Variants in ABCA9 observed in about 807,000 individuals in gnomAD.
ABCA9 encodes ATP-binding cassette sub-family A member 9.
A neutral mutation model predicts 205.3 loss-of-function variants in ABCA9; 183 were observed. The observed-to-expected ratio is 0.89, with a 90% CI of 0.79 to 1.01. The LOEUF (loss-of-function observed/expected upper bound fraction) is 1.01. ABCA9 is among the 50% of genes least tolerant of loss of function. The pLI, the probability that ABCA9 is intolerant of heterozygous loss-of-function variation, is 0.00. For synonymous variants in ABCA9, 651 were observed against 683.3 expected (o/e 0.95, Z 0.74); for missense variants, 1,805 against 1,912.4 (o/e 0.94, Z 1.05).
At chr17:69,031,772 G>A (rs1179389133) in intron 10 of ABCA9, among the ~76,000 whole-genome samples, 3 of 152,266 alleles carry the variant, frequency 2.0e-5, no homozygotes, top group East Asian at 1.9e-4. Flanking sequence ...TAATAGCAAG[G>A]GAGACGATGG....
In ABCA9 at chr17:68,995,963, C is replaced by T; in HGVS notation, c.3487G>A (p.Gly1163Arg). The part of the protein sequence containing the change: ...ATDLNEYGFL[G>R]LFFGTMLIPP... Reference sequence around the variant, plus strand: ...ATTAACATGGTGCCAAAAAATAGCCCTAGAAATCCATATTCATTTAGATCA... The same window carrying T: ...ATTAACATGGTGCCAAAAAATAGCCTTAGAAATCCATATTCATTTAGATCA... The change falls in exon 26 of 39, where the codon GGG becomes AGG. Residue 1163 changes from glycine (G) to arginine (R), a missense_variant. Gly to Arg is a moderately radical substitution (Grantham distance 125). Coordinates refer to ENST00000340001, the MANE Select transcript of ABCA9 (RefSeq NM_080283.4). The T allele has an allele frequency of 6.2e-7, 1 of 1,613,672 alleles. No homozygotes were observed. Among genetic ancestry groups the T allele is most frequent in the South Asian group, 1.1e-5 (1 of 91,076 alleles).
chr17:69,052,125 C>T (rs976420461), intron 1 of ABCA9, among the ~76,000 whole-genome samples: 2 of 152,154 alleles, frequency 1.3e-5, no homozygotes, highest in Non-Finnish European at 2.9e-5. Context: ...AATCCCAGCA[C>T]TTTGGGAGGC....
At chr17:68,980,363 G>A (rs1237050857) in intron 37 of ABCA9, among the ~76,000 whole-genome samples, 4 of 152,116 alleles carry the variant, frequency 2.6e-5, no homozygotes, top group Non-Finnish European at 5.9e-5. Flanking sequence ...CAACCATTGT[G>A]AGAGTCAGTG....
chr17:69,013,029 G>C (rs982146950), intron 22 of ABCA9, among the ~76,000 whole-genome samples: 1 of 152,214 alleles, frequency 6.6e-6, no homozygotes, highest in African/African-American at 2.4e-5. Context: ...TTCCATCTAC[G>C]TTGTTGCAAA....
intron 25 of ABCA9, among the ~76,000 whole-genome samples, chr17:69,005,389 AG>A (rs930022487): frequency 6.6e-6 from 1 of 152,212 alleles, no homozygotes; most frequent in African/African-American, 2.4e-5. Flanking sequence ...AGTCCAATTC[AG>A]TCCAGAGCCC....
At chr17:68,992,988 A>G (rs780065786) in intron 27 of ABCA9, 28 bp downstream of exon 27, 2 of 1,567,944 alleles carry the variant, frequency 1.3e-6, no homozygotes, top group African/African-American at 1.4e-5. Context: ...CCCTCATGCA[A>G]GAATGTTGAA....
At position 69,016,700 on chromosome 17, in the gene ABCA9, C is replaced by T. The variant is rs140522356; in HGVS notation, c.2902-310G>A. On this transcript the variant is annotated intron_variant, in intron 21 of 38. Coordinates refer to ENST00000340001, the MANE Select transcript of ABCA9 (RefSeq NM_080283.4). ...CTCCATAGTGCAACCTCAGTTTAAC[C>T]TGGCTATAGACTTTGTTTCAAAATG... Among the ~76,000 whole-genome samples, 868 of 152,196 alleles carry T rather than the reference C, an allele frequency of 5.7e-3. 8 individuals are homozygous for T. The highest frequency in any genetic ancestry group is 7.1e-3 in the Non-Finnish European group (481 of 67,982).
intron 8 of ABCA9, chr17:69,034,996 T>A (rs548452257): frequency 3.4e-6 from 1 of 292,122 alleles, no homozygotes; most frequent in East Asian, 5.8e-5. Flanking sequence ...ATGAGACAAA[T>A]GTTCTCTGGG....
rs2072087584 is a variant in ABCA9, at chr17:69,056,976, T to G, written c.-14+3890A>C. ...AGTGTTCAATGGTGTGAAAATGCAT[T>G]TTGGGGAGACGGTATGGGCATAAAA... On this transcript the variant is annotated intron_variant, in intron 1 of 38. Coordinates refer to ENST00000340001, the MANE Select transcript of ABCA9 (RefSeq NM_080283.4). Among the ~76,000 whole-genome samples the G allele has an allele frequency of 2.0e-5, 3 of 152,264 alleles. No individual in the cohort carries two copies. The East Asian group carries it at 5.8e-4, about 29-fold the overall frequency.
intron 28 of ABCA9, 61 bp from the exon 29 acceptor site, chr17:68,991,018 A>G: frequency 6.4e-7 from 1 of 1,567,238 alleles, no homozygotes; most frequent in Non-Finnish European, 8.6e-7. Context: ...ATCAAAATTA[A>G]TGAATTTTCT....
the ABCA9 span, among the ~76,000 whole-genome samples, chr17:69,065,981 T>G: frequency 6.6e-6 from 1 of 152,204 alleles, no homozygotes; most frequent in African/African-American, 2.4e-5. Flanking sequence ...CCTCCCCTTC[T>G]GCCATGAATG....
At chr17:69,044,677 T>G in intron 4 of ABCA9, 77 bp from the exon 5 acceptor site, 2 of 1,337,656 alleles carry the variant, frequency 1.5e-6, no homozygotes, top group Non-Finnish European at 2.1e-6. Context: ...TTCAAATGTT[T>G]CAAAATGCAA....
In ABCA9 at chr17:68,992,184, G is replaced by A. The variant is rs1307847399; in HGVS notation, c.3707C>T (p.Pro1236Leu). 1 of 1,583,880 alleles carries A rather than the reference G, an allele frequency of 6.3e-7. No homozygotes were observed. The highest frequency in any genetic ancestry group is 1.4e-5 in the African/African-American group (1 of 73,968). ...NCRKKLMRKD[P>L]VFRISPRSNA... Reference sequence around the variant, plus strand: ...ATTTGATTTTCTCAACCTGAACACAGGATCCTTTCTCATTAGTTTCTTCCT... The same window carrying A: ...ATTTGATTTTCTCAACCTGAACACAAGATCCTTTCTCATTAGTTTCTTCCT... Residue 1236 changes from proline to leucine, a missense_variant, in exon 28 of 39, where the codon CCT becomes CTT. Physicochemically the swap from Pro to Leu is moderately conservative, Grantham distance 98. Coordinates refer to ENST00000340001, the MANE Select transcript of ABCA9 (RefSeq NM_080283.4).
intron 11 of ABCA9, 33 bp from the exon 12 acceptor site, chr17:69,028,678 G>T: frequency 1.5e-6 from 2 of 1,338,610 alleles, no homozygotes; most frequent in Non-Finnish European, 2.1e-6. Flanking sequence ...TACACTCAGA[G>T]CCTACATATT....
At chr17:69,065,834 A>G (rs565794163), upstream of ABCA9, among the ~76,000 whole-genome samples, 1 of 152,238 alleles carries the variant, frequency 6.6e-6, no homozygotes, top group African/African-American at 2.4e-5. Context: ...TAATTGAATC[A>G]TGAGGGCAGT....
At chr17:69,046,891 A>AC (rs1164484013) in intron 3 of ABCA9, among the ~76,000 whole-genome samples, 2 of 106,270 alleles carry the variant, frequency 1.9e-5, no homozygotes, top group Non-Finnish European at 3.4e-5. Flanking sequence ...ATATATATAT[A>AC]TATATATATA....
chr17:69,015,418 C>G (rs1237702936), intron 22 of ABCA9, among the ~76,000 whole-genome samples: 1 of 152,080 alleles, frequency 6.6e-6, no homozygotes, highest in Non-Finnish European at 1.5e-5. Flanking sequence ...CATAGAAGTG[C>G]ACACCCACAT....
chr17:69,025,881 A>G (rs1318852625), intron 16 of ABCA9, among the ~76,000 whole-genome samples: 1 of 152,136 alleles, frequency 6.6e-6, no homozygotes, highest in Non-Finnish European at 1.5e-5. Flanking sequence ...ATACAATAAT[A>G]TGAATATTCT....
chr17:69,027,779 A>G lies in ABCA9; in HGVS notation c.1652T>C (p.Met551Thr). The change falls in exon 13 of 39, where the codon ATG becomes ACG. Residue 551 changes from methionine to threonine, a missense_variant. Coordinates refer to ENST00000340001, the MANE Select transcript of ABCA9 (RefSeq NM_080283.4). Reference sequence around the variant, plus strand: ...CTTGCTGATATTTTCTATATCAGCCATTCTTGAAAGTGTGTGATTATAGAC... The same window carrying G: ...CTTGCTGATATTTTCTATATCAGCCGTTCTTGAAAGTGTGTGATTATAGAC... ...VTVYNHTLSR[M>T]ADIENISKFT... 1 of 1,612,632 alleles carries G rather than the reference A, an allele frequency of 6.2e-7. No homozygotes were observed. Among genetic ancestry groups the G allele is most frequent in the East Asian group, 2.2e-5 (1 of 44,744 alleles).
Sources: gnomAD v4.1 joint callset for allele counts (sites outside exome capture counted in the v4.1 genomes callset) on GRCh38, gnomAD v4.1.1 for gene constraint, MANE v1.5 for transcripts, NCBI Gene and HGNC (gene_info 2026-07-23, HGNC 2026-07-21) for gene names.